Variants in KHDRBS2 observed in about 807,000 individuals in gnomAD.
KHDRBS2 encodes the protein KH RNA binding domain containing, signal transduction associated 2.
A neutral mutation model predicts 44.3 loss-of-function variants in KHDRBS2; 26 were observed. The observed-to-expected ratio is 0.59, with a 90% CI of 0.43 to 0.81. The LOEUF is 0.81. KHDRBS2 is among the 40% of genes least tolerant of loss of function. The pLI, the probability that KHDRBS2 is intolerant of heterozygous loss-of-function variation, is 0.00. For synonymous variants in KHDRBS2, 194 were observed against 151.1 expected (o/e 1.28, Z -2.08); for missense variants, 476 against 433.1 (o/e 1.10, Z -0.88).
chr6:61,559,135 A>T, the KHDRBS2 span, among the ~76,000 whole-genome samples: 1 of 152,016 alleles, frequency 6.6e-6, no homozygotes, highest in African/African-American at 2.4e-5. Flanking sequence ...CATTATATCC[A>T]TTTGCTGAAT....
chr6:61,968,649 G>A (rs932146530), intron 4 of KHDRBS2, among the ~76,000 whole-genome samples: 1 of 152,042 alleles, frequency 6.6e-6, no homozygotes, highest in Non-Finnish European at 1.5e-5. Context: ...ATACAGAGAA[G>A]CCTAATACTA....
At chr6:61,832,431 A>T (rs188813451) in intron 6 of KHDRBS2, among the ~76,000 whole-genome samples, 4 of 152,282 alleles carry the variant, frequency 2.6e-5, no homozygotes, top group Admixed American at 1.3e-4. Context: ...TAACTTCAAA[A>T]GTGCAAATAA....
At chr6:61,722,375 A>T (rs4710459) in intron 7 of KHDRBS2, among the ~76,000 whole-genome samples, 57,957 of 151,908 alleles carry the variant, frequency 0.38, 12,124 homozygotes, top group African/African-American at 0.57. Context: ...TAAAATTGTT[A>T]TAGCTGCTGA....
the KHDRBS2 span, among the ~76,000 whole-genome samples, chr6:61,598,849 T>TC: frequency 1.3e-5 from 2 of 148,664 alleles, no homozygotes; most frequent in African/African-American, 4.9e-5. Context: ...TTTTTTTTTT[T>TC]TTTTTTTTTG....
chr6:61,605,457 C>T, the KHDRBS2 span, among the ~76,000 whole-genome samples: 1 of 152,156 alleles, frequency 6.6e-6, no homozygotes, highest in Non-Finnish European at 1.5e-5. Flanking sequence ...ATATGCTGAA[C>T]CTCTTTGGGC....
intron 2 of KHDRBS2, among the ~76,000 whole-genome samples, chr6:62,071,334 C>G (rs893308785): frequency 5.3e-5 from 8 of 152,000 alleles, no homozygotes; most frequent in African/African-American, 1.7e-4. Flanking sequence ...TGCAGAAGCT[C>G]TTGAGTTTAA....
rs563186465 is a variant in KHDRBS2 at position 61,688,249 on chromosome 6, A to T, written c.953-7189T>A. Reference sequence around the variant, plus strand: ...TAAATAAAAAGGAGACAAAGAAGCTAGCTAGAGAAAGGATTTTCAAAATGG... The same window carrying T: ...TAAATAAAAAGGAGACAAAGAAGCTTGCTAGAGAAAGGATTTTCAAAATGG... On this transcript the variant is annotated intron_variant, in intron 8 of 8. Coordinates refer to ENST00000281156, the MANE Select transcript of KHDRBS2 (RefSeq NM_152688.4). Among the ~76,000 whole-genome samples the T allele has an allele frequency of 2.0e-5, 3 of 152,052 alleles. No homozygotes were observed. The South Asian group carries it at 6.2e-4, about 31-fold the overall frequency.
chr6:61,694,014 A>G (rs1414439697), intron 8 of KHDRBS2, among the ~76,000 whole-genome samples: 3 of 152,208 alleles, frequency 2.0e-5, no homozygotes. Context: ...ATCCTGCCAG[A>G]TATCATCAAA....
chr6:62,045,501 A>G (rs1787481787), intron 3 of KHDRBS2, among the ~76,000 whole-genome samples: 1 of 152,022 alleles, frequency 6.6e-6, no homozygotes, highest in Admixed American at 6.6e-5. Context: ...CATAAAAATT[A>G]TCAAGTCCTA....
At chr6:62,012,774 A>G (rs1164810787) in intron 3 of KHDRBS2, among the ~76,000 whole-genome samples, 1 of 152,098 alleles carries the variant, frequency 6.6e-6, no homozygotes, top group Non-Finnish European at 1.5e-5. Context: ...TAACTACATC[A>G]GCCAACCAGG....
intron 1 of KHDRBS2, among the ~76,000 whole-genome samples, chr6:62,219,590 A>G (rs1057174727): frequency 6.6e-6 from 1 of 151,410 alleles, no homozygotes; most frequent in Non-Finnish European, 1.5e-5. Context: ...AAAATTCACT[A>G]TAGAAAACAT....
chr6:62,216,694 C>CT lies in KHDRBS2; in HGVS notation c.92-39383dup, dbSNP rs1491512002. On this transcript the variant is annotated intron_variant, in intron 1 of 8. Transcript: ENST00000281156. Reference sequence around the variant, plus strand: ...AATAATCTAAACATATTTCTTTCTCCTCTTTTTTTTTTTTTTGTTTTATTA... The same window carrying CT: ...AATAATCTAAACATATTTCTTTCTCCTTCTTTTTTTTTTTTTTGTTTTATTA... 2.4e-4 allele frequency among the ~76,000 whole-genome samples: 15 copies of CT among 63,250 alleles called. No homozygotes were observed. In the South Asian group the frequency reaches 6.1e-3, roughly 26 times the overall value. The allele number at this position is 63,250 out of a possible 152,430, so 41.5% of individuals were successfully genotyped here. A position where few individuals can be genotyped will look rare whatever the true frequency, so the allele number is the denominator to read the frequency against.
At chr6:61,732,805 G>T in intron 6 of KHDRBS2, 41 bp from the exon 7 acceptor site, 2 of 1,014,530 alleles carry the variant, frequency 2.0e-6, no homozygotes, top group Non-Finnish European at 3.2e-6. Flanking sequence ...TAGTCAATTT[G>T]ATTAACTTTG....
At chr6:61,879,820 T>G (rs1173240990) in intron 6 of KHDRBS2, among the ~76,000 whole-genome samples, 4 of 151,852 alleles carry the variant, frequency 2.6e-5, no homozygotes, top group African/African-American at 9.7e-5. Flanking sequence ...AAGTTCATCT[T>G]TATCTTCTCA....
At chr6:62,255,779 T>C (rs764983963) in intron 1 of KHDRBS2, among the ~76,000 whole-genome samples, 2 of 151,932 alleles carry the variant, frequency 1.3e-5, no homozygotes, top group South Asian at 2.1e-4. Context: ...GGTAAAACCA[T>C]CCTATACGCT....
downstream of KHDRBS2, among the ~76,000 whole-genome samples, chr6:61,678,474 G>T (rs1236422557): frequency 6.6e-6 from 1 of 151,964 alleles, no homozygotes; most frequent in African/African-American, 2.4e-5. Context: ...ATTGACAAGG[G>T]ATAGGTAAGG....
the KHDRBS2 span, among the ~76,000 whole-genome samples, chr6:61,626,710 G>C: frequency 1.3e-5 from 2 of 152,316 alleles, no homozygotes; most frequent in Admixed American, 1.3e-4. Context: ...AAAATATGCT[G>C]TCTATGTTCG....
At chr6:61,731,877 C>T (rs1774510943) in intron 7 of KHDRBS2, among the ~76,000 whole-genome samples, 1 of 152,054 alleles carries the variant, frequency 6.6e-6, no homozygotes, top group South Asian at 2.1e-4. Context: ...AATCCACACT[C>T]AAAATGTTAC....
chr6:61,999,553 A>C (rs1777833565), intron 3 of KHDRBS2, among the ~76,000 whole-genome samples: 1 of 152,068 alleles, frequency 6.6e-6, no homozygotes, highest in Admixed American at 6.6e-5. Flanking sequence ...GATTTTGTGG[A>C]TCCAAAGCTA....
Sources: allele counts gnomAD v4.1 joint callset (sites outside exome capture counted in the v4.1 genomes callset), GRCh38; gene constraint gnomAD v4.1.1; transcripts MANE v1.5; gene names NCBI Gene and HGNC (gene_info 2026-07-23, HGNC 2026-07-21).